The following CSNK2A1 variants were observed in gnomAD, a reference collection of about 807,000 sequenced individuals.
CSNK2A1 encodes casein kinase II subunit alpha.
Under a neutral mutation model 62.9 loss-of-function variants are expected in CSNK2A1, and 10 were observed. The ratio of observed to expected loss-of-function variants is 0.16; its 90% CI spans 0.10 to 0.27. The LOEUF is 0.27. Ranked by LOEUF, CSNK2A1 falls within the 10% of genes least tolerant of loss-of-function variation. The pLI, the probability that CSNK2A1 is intolerant of heterozygous loss-of-function variation, is 1.00. For synonymous variants in CSNK2A1, 124 were observed against 167.8 expected, an observed-to-expected ratio of 0.74 and a Z score of 2.02; for missense variants, 160 against 492.0, an observed-to-expected ratio of 0.33 and a Z score of 6.38.
At chr20:511,690 C>CTG (rs1169216893) in intron 2 of CSNK2A1, among the ~76,000 whole-genome samples, 28 of 125,642 alleles carry the variant, frequency 2.2e-4, no homozygotes, top group African/African-American at 1.0e-3. Context: ...TGATATTGCA[C>CTG]TGTGTATATA....
chr20:531,556 C>A (rs2019213109), intron 1 of CSNK2A1, among the ~76,000 whole-genome samples: 1 of 152,030 alleles, frequency 6.6e-6, no homozygotes, highest in Non-Finnish European at 1.5e-5. Context: ...GTATATAAAG[C>A]AGCATGTACA....
chr20:523,928 G>T (rs1407772797), intron 2 of CSNK2A1, among the ~76,000 whole-genome samples: 2 of 151,176 alleles, frequency 1.3e-5, no homozygotes, highest in African/African-American at 4.9e-5. Context: ...ATTAGGGGTG[G>T]GAGGCTAGGT....
At chr20:537,958 A>G (rs2019369296) in intron 1 of CSNK2A1, among the ~76,000 whole-genome samples, 1 of 149,934 alleles carries the variant, frequency 6.7e-6, no homozygotes, top group African/African-American at 2.5e-5. Flanking sequence ...ATAGACAGTT[A>G]ACATCTTTTT....
chr20:474,212 A>G lies in CSNK2A1; in HGVS notation c.*9749T>C, dbSNP rs1381224794. 1.3e-5 allele frequency: 2 copies of G among 152,036 alleles called. No individual in the cohort carries two copies. The highest frequency in any genetic ancestry group is 4.8e-5 in the African/African-American group (2 of 41,378). 9.4% of individuals were successfully genotyped at this position (152,036 alleles called of 1,614,324 possible). On this transcript the variant is annotated 3_prime_UTR_variant, in exon 14 of 14. Transcript: ENST00000217244. Reference sequence around the variant, plus strand: ...TAGCACTATAGTCACACACCACCACACTAGTTAATGTTTTCATTTTTTGTA... The same window carrying G: ...TAGCACTATAGTCACACACCACCACGCTAGTTAATGTTTTCATTTTTTGTA...
intron 2 of CSNK2A1, chr20:527,001 C>CAGACAGACAGACAGAG (rs1197678638): frequency 1.0e-5 from 1 of 97,812 alleles, no homozygotes; most frequent in African/African-American, 4.1e-5. Context: ...GAGAGACAGA[C>CAGACAGACAGACAGAG]AGAGAGAGAG....
chr20:534,155 T>G (rs1189252654), intron 1 of CSNK2A1, among the ~76,000 whole-genome samples: 1 of 152,156 alleles, frequency 6.6e-6, no homozygotes, highest in African/African-American at 2.4e-5. Flanking sequence ...ATAAACAGAT[T>G]CAGAGGTTAA....
At chr20:525,963 C>A (rs760760403) in intron 2 of CSNK2A1, among the ~76,000 whole-genome samples, 117 of 151,612 alleles carry the variant, frequency 7.7e-4, no homozygotes, top group Non-Finnish European at 1.2e-3. Flanking sequence ...TGTGATTATG[C>A]CACTGCACTC....
intron 12 of CSNK2A1, chr20:487,001 G>C: frequency 5.2e-6 from 1 of 193,210 alleles, no homozygotes; most frequent in Non-Finnish European, 1.1e-5. Flanking sequence ...GATGGGGTGG[G>C]TCTCAGTGGT....
chr20:519,843 G>C (rs2018908372), intron 2 of CSNK2A1, among the ~76,000 whole-genome samples: 1 of 152,056 alleles, frequency 6.6e-6, no homozygotes, highest in African/African-American at 2.4e-5. Flanking sequence ...TTATACAAAA[G>C]AATAACAATA....
intron 9 of CSNK2A1, among the ~76,000 whole-genome samples, chr20:490,411 C>CT (rs369596623): frequency 0.011 from 954 of 84,458 alleles, 20 homozygotes; most frequent in African/African-American, 0.035. Context: ...ACAATTTTTA[C>CT]TTTTTTTTTT....
intron 3 of CSNK2A1, 119 bp from the exon 4 acceptor site, chr20:505,348 T>C (rs1428580121): frequency 1.6e-5 from 8 of 513,046 alleles, no homozygotes; most frequent in Middle Eastern, 1.1e-3. Context: ...AATTCCCAAA[T>C]AGGTTTTTTT....
At position 499,234 on chromosome 20, in the gene CSNK2A1, A is replaced by G; in HGVS notation, c.366+21T>C. On this transcript the variant is annotated intron_variant, in intron 6 of 13. Transcript: ENST00000217244. The surrounding 1 kb of genome is among the most constrained non-coding windows in gnomAD (Gnocchi z 4.2). ...TGGTCTAAAAACCCACTAGCCCGAA[A>G]CAGTTGGTTATATATTATACCTTGA... is the stretch of plus-strand genomic sequence containing the variant. The G allele has an allele frequency of 1.3e-6, 2 of 1,579,474 alleles. No homozygotes were observed. The highest frequency in any genetic ancestry group is 1.7e-6 in the Non-Finnish European group (2 of 1,162,266).
chr20:543,545 T>C, intron 1 of CSNK2A1, 127 bp downstream of exon 1: 1 of 395,692 alleles, frequency 2.5e-6, no homozygotes, highest in Non-Finnish European at 4.4e-6. Context: ...TGTGTGAAGG[T>C]GGGGGCAGGG....
intron 2 of CSNK2A1, among the ~76,000 whole-genome samples, chr20:509,029 G>A (rs1483579011): frequency 1.3e-5 from 2 of 152,186 alleles, no homozygotes; most frequent in African/African-American, 4.8e-5. Flanking sequence ...TTTCTTTTCA[G>A]CAGCTTTCTG....
At chr20:509,560 G>A (rs1205965657) in intron 2 of CSNK2A1, among the ~76,000 whole-genome samples, 1 of 152,184 alleles carries the variant, frequency 6.6e-6, no homozygotes, top group African/African-American at 2.4e-5. Flanking sequence ...GGCTGAGACA[G>A]CATAACTTCA....
At chr20:526,891 T>G (rs529680770) in intron 2 of CSNK2A1, 21 of 151,750 alleles carry the variant, frequency 1.4e-4, no homozygotes, top group African/African-American at 5.1e-4. Context: ...CGGCAGAGGT[T>G]GCAGTGAGCT....
At chr20:490,335 C>CTTTTTTTTTTTTTTTTTTTT (rs907727482) in intron 9 of CSNK2A1, among the ~76,000 whole-genome samples, 3 of 84,802 alleles carry the variant, frequency 3.5e-5, no homozygotes, top group South Asian at 4.1e-4. Context: ...CTAGTTTTTT[C>CTTTTTTTTTTTTTTTTTTTT]TTTTTTTTTT....
chr20:481,215 C>G lies in CSNK2A1; in HGVS notation c.*2746G>C, dbSNP rs1568490362. On this transcript the variant is annotated 3_prime_UTR_variant, in exon 14 of 14. Coordinates refer to ENST00000217244, the MANE Select transcript of CSNK2A1 (RefSeq NM_177559.3). ...ATACCAATTACAATACAATTACAAC[C>G]AATAAAGCAAGGTGGGGAGGGCCTT... 1 of 152,054 alleles carries G rather than the reference C, an allele frequency of 6.6e-6. No individual in the cohort carries two copies. The highest frequency in any genetic ancestry group is 1.5e-5 in the Non-Finnish European group (1 of 68,010). The allele number at this position is 152,054 out of a possible 1,614,324, so 9.4% of individuals were successfully genotyped here. A position where few individuals can be genotyped will look rare whatever the true frequency, so the allele number is the denominator to read the frequency against.
chr20:505,422 C>T lies in CSNK2A1; in HGVS notation c.102-193G>A, dbSNP rs183174190. Among the ~76,000 whole-genome samples, 77 of 134,834 alleles carry T rather than the reference C, an allele frequency of 5.7e-4. No individual in the cohort carries two copies. In the East Asian group the frequency reaches 0.012, roughly 21 times the overall value. The allele number at this position is 134,834 out of a possible 152,430, so 88.5% of individuals were successfully genotyped here. Reference sequence around the variant, plus strand: ...TCGCCCAGGCTAGAGTGCAGTGGCGCGATCTCTGCTGACTGCCAGCTCCAC... The same window carrying T: ...TCGCCCAGGCTAGAGTGCAGTGGCGTGATCTCTGCTGACTGCCAGCTCCAC... On this transcript the variant is annotated intron_variant, in intron 3 of 13. Coordinates refer to ENST00000217244, the MANE Select transcript of CSNK2A1 (RefSeq NM_177559.3).
Sources: gnomAD v4.1 joint callset for allele counts (sites outside exome capture counted in the v4.1 genomes callset) on GRCh38, gnomAD v4.1.1 for gene constraint, Gnocchi (gnomAD v3.1) non-coding constraint, MANE v1.5 for transcripts, NCBI Gene and HGNC (gene_info 2026-07-23, HGNC 2026-07-21) for gene names.